Variants in EIF4G3 observed in about 807,000 individuals in gnomAD.
EIF4G3 encodes eukaryotic translation initiation factor 4 gamma 3.
EIF4G3 carries 34 observed loss-of-function variants against 186.4 expected under a neutral mutation model. The ratio of observed to expected loss-of-function variants is 0.18; its 90% CI spans 0.14 to 0.24. EIF4G3 has a LOEUF of 0.24. EIF4G3 is among the 10% of genes least tolerant of loss of function. EIF4G3 has a pLI of 1.00. For synonymous variants in EIF4G3, 673 were observed against 679.5 expected, an observed-to-expected ratio of 0.99 and a Z score of 0.15; for missense variants, 1,536 against 1,948.5, an observed-to-expected ratio of 0.79 and a Z score of 3.99.
intron 16 of EIF4G3, among the ~76,000 whole-genome samples, chr1:20,898,184 G>C (rs1263551937): frequency 6.6e-6 from 1 of 151,958 alleles, no homozygotes; most frequent in Non-Finnish European, 1.5e-5. Flanking sequence ...CCCATTAACA[G>C]GATTTTACTG....
At chr1:21,097,262 T>C (rs1325560003) in intron 2 of EIF4G3, among the ~76,000 whole-genome samples, 1 of 152,172 alleles carries the variant, frequency 6.6e-6, no homozygotes, top group African/African-American at 2.4e-5. Context: ...AAAGGTGCTG[T>C]GTGCTAAGAT....
At chr1:20,927,529 G>T (rs940680631) in intron 14 of EIF4G3, among the ~76,000 whole-genome samples, 3 of 152,128 alleles carry the variant, frequency 2.0e-5, no homozygotes, top group African/African-American at 7.2e-5. Flanking sequence ...AATAGCTGAG[G>T]TGTAAGATAA....
chr1:20,821,555 A>G (rs549505961), intron 33 of EIF4G3, among the ~76,000 whole-genome samples: 7 of 152,260 alleles, frequency 4.6e-5, no homozygotes, highest in African/African-American at 1.7e-4. Context: ...CATCTTCCCT[A>G]TTACGTATAC....
chr1:20,949,239 T>C (rs942529366), intron 13 of EIF4G3, among the ~76,000 whole-genome samples: 17 of 152,186 alleles, frequency 1.1e-4, no homozygotes, highest in African/African-American at 3.4e-4. Flanking sequence ...AAGACTATGA[T>C]ATCCCACTTT....
At chr1:20,896,415 A>C in intron 16 of EIF4G3, among the ~76,000 whole-genome samples, 1 of 149,656 alleles carries the variant, frequency 6.7e-6, no homozygotes. Context: ...TAGCCTGGGT[A>C]ACAGAGTGAG....
intron 14 of EIF4G3, among the ~76,000 whole-genome samples, chr1:20,909,257 C>A (rs1187549144): frequency 1.3e-5 from 2 of 152,066 alleles, no homozygotes; most frequent in Non-Finnish European, 2.9e-5. Flanking sequence ...ATAATGCATC[C>A]TGAGGAACTA....
At chr1:20,905,447 T>A (rs1253533279) in intron 14 of EIF4G3, among the ~76,000 whole-genome samples, 1 of 152,224 alleles carries the variant, frequency 6.6e-6, no homozygotes, top group Admixed American at 6.5e-5. Flanking sequence ...TTTTTAAGTT[T>A]TCTAGACAAC....
At position 20,908,643 on chromosome 1, in the gene EIF4G3, T is replaced by C. The variant is rs142594946; in HGVS notation, c.1664-3672A>G. 2.0e-3 allele frequency among the ~76,000 whole-genome samples: 300 copies of C among 152,294 alleles called. 7 individuals carry two copies. Among genetic ancestry groups the C allele is most frequent in the Admixed American group, 0.019 (289 of 15,290 alleles). On this transcript the variant is annotated intron_variant, in intron 14 of 36. Transcript: ENST00000602326. ...CATCCCCATAAATGGAAGAGTCTCT[T>C]AGTTTTTCATTTACTTTTTATGTGG...
chr1:21,153,871 C>G (rs2097589595), intron 2 of EIF4G3, among the ~76,000 whole-genome samples: 1 of 151,798 alleles, frequency 6.6e-6, no homozygotes, highest in Non-Finnish European at 1.5e-5. Flanking sequence ...GGCCAAGAAG[C>G]ATTTCATTAT....
rs202043593 is a variant in EIF4G3 at position 20,869,306 on chromosome 1, A to T, written c.2623-4044T>A. 4.2e-3 allele frequency among the ~76,000 whole-genome samples: 407 copies of T among 97,444 alleles called. 16 individuals carry two copies. The East Asian group carries it at 0.088, about 21-fold the overall frequency. 63.9% of individuals were successfully genotyped at this position (97,444 alleles called of 152,430 possible). A position where few individuals can be genotyped will look rare whatever the true frequency, so the allele number is the denominator to read the frequency against. On this transcript the variant is annotated intron_variant, in intron 20 of 36. Coordinates refer to ENST00000602326, the MANE Select transcript of EIF4G3 (RefSeq NM_001391906.1). ...TTTCTAGAGGATAGTTTACTTTAAA[A>T]TTTTTTTTTTTTTTTTTTTTTTTTG...
rs373609350 is a variant in EIF4G3, at chr1:20,842,714, T to C, written c.3889-1686A>G. Among the ~76,000 whole-genome samples the C allele has an allele frequency of 2.6e-5, 4 of 152,258 alleles. No homozygotes were observed. In the East Asian group the frequency reaches 7.7e-4, roughly 29 times the overall value. On this transcript the variant is annotated intron_variant, in intron 29 of 36. Coordinates refer to ENST00000602326, the MANE Select transcript of EIF4G3 (RefSeq NM_001391906.1). ...TTTAACCAACTAATTCCCTTTTGTT[T>C]CTGGCCACATCTGTACCTCACAGAC... is the stretch of plus-strand genomic sequence containing the variant.
intron 4 of EIF4G3, among the ~76,000 whole-genome samples, chr1:21,037,690 T>C (rs959170): frequency 0.029 from 4,402 of 152,322 alleles, 134 homozygotes; most frequent in East Asian, 0.14. Context: ...CCAGAGCTAC[T>C]TTCCCTAAAT....
At chr1:21,025,414 A>G (rs1337762787) in intron 4 of EIF4G3, among the ~76,000 whole-genome samples, 1 of 152,170 alleles carries the variant, frequency 6.6e-6, no homozygotes, top group Non-Finnish European at 1.5e-5. Context: ...GTACATAGTG[A>G]TAAGGGCCTG....
chr1:21,162,903 C>G (rs1033258198), intron 2 of EIF4G3, among the ~76,000 whole-genome samples: 23 of 152,112 alleles, frequency 1.5e-4, no homozygotes, highest in African/African-American at 5.1e-4. Flanking sequence ...TTAAAGACCT[C>G]AAATAAATTT....
In EIF4G3 at chr1:21,126,231, TAA is replaced by T. The variant is rs748125235; in HGVS notation, c.-271-37020_-271-37019del. Among the ~76,000 whole-genome samples the T allele has an allele frequency of 5.1e-3, 604 of 118,372 alleles. 9 individuals carry two copies. The highest frequency in any genetic ancestry group is 0.028 in the East Asian group (119 of 4,250). The allele number at this position is 118,372 out of a possible 152,430, so 77.7% of individuals were successfully genotyped here. A position where few individuals can be genotyped will look rare whatever the true frequency, so the allele number is the denominator to read the frequency against. On this transcript the variant is annotated intron_variant, in intron 2 of 36. Coordinates refer to ENST00000602326, the MANE Select transcript of EIF4G3 (RefSeq NM_001391906.1). Reference sequence around the variant, plus strand: ...CAAGAATGTATATAAAAATTAAAATTAAAAAAAAAAAAAAAGCTGGCACAGAA... The same window carrying T: ...CAAGAATGTATATAAAAATTAAAATTAAAAAAAAAAAAAGCTGGCACAGAA...
intron 4 of EIF4G3, among the ~76,000 whole-genome samples, chr1:21,046,200 G>A (rs2154575908): frequency 6.6e-6 from 1 of 152,306 alleles, no homozygotes; most frequent in South Asian, 2.1e-4. Context: ...CCATTTCAGG[G>A]AAACTGAAAA....
chr1:21,115,561 AGACT>A (rs2096802283), intron 2 of EIF4G3, among the ~76,000 whole-genome samples: 1 of 152,214 alleles, frequency 6.6e-6, no homozygotes, highest in Admixed American at 6.5e-5. Context: ...GAAGTGCAAC[AGACT>A]GAGGTGAAAT....
chr1:20,864,569 C>T lies in EIF4G3; in HGVS notation c.2913G>A (p.Val971=). 1.2e-6 allele frequency: 2 copies of T among 1,614,168 alleles called. No individual in the cohort carries two copies. Among genetic ancestry groups the T allele is most frequent in the East Asian group, 2.2e-5 (1 of 44,880 alleles). The change falls in exon 22 of 37, where the codon GTG becomes GTA. Residue 971 remains valine (V), a synonymous_variant. Coordinates refer to ENST00000602326, the MANE Select transcript of EIF4G3 (RefSeq NM_001391906.1). ...LTEAIMHDCV[V]KLLKNHDEES... ...CTTCATCATGGTTCTTTAGCAGCTT[C>T]ACCACACAGTCATGCATGATGGCTT...
intron 7 of EIF4G3, among the ~76,000 whole-genome samples, chr1:20,996,132 G>C (rs1214115491): frequency 6.6e-6 from 1 of 152,072 alleles, no homozygotes. Context: ...CTAATTCTAT[G>C]TCCTAGTTAC....
Sources: allele counts gnomAD v4.1 joint callset (sites outside exome capture counted in the v4.1 genomes callset), GRCh38; gene constraint gnomAD v4.1.1; transcripts MANE v1.5; gene names NCBI Gene and HGNC (gene_info 2026-07-23, HGNC 2026-07-21).